Variants in DCC observed in about 807,000 individuals in gnomAD.
DCC encodes the protein DCC netrin 1 receptor.
In DCC, 58 loss-of-function variants were observed where a neutral mutation model predicts 172.5. The ratio of observed to expected loss-of-function variants is 0.34; its 90% CI spans 0.27 to 0.42. DCC has a LOEUF of 0.42. DCC is among the 10% of genes least tolerant of loss of function. DCC has a pLI of 1.00. For synonymous variants in DCC, 709 were observed against 644.5 expected, an observed-to-expected ratio of 1.10 and a Z score of -1.52; for missense variants, 1,740 against 1,791.0, an observed-to-expected ratio of 0.97 and a Z score of 0.51.
intron 7 of DCC, among the ~76,000 whole-genome samples, chr18:53,088,439 T>A (rs897969748): frequency 6.6e-6 from 1 of 152,220 alleles, no homozygotes; most frequent in African/African-American, 2.4e-5. Context: ...CTTGTGATTT[T>A]TTCACATTGA....
At chr18:53,332,249 T>C (rs1462616882) in intron 14 of DCC, among the ~76,000 whole-genome samples, 1 of 152,098 alleles carries the variant, frequency 6.6e-6, no homozygotes, top group African/African-American at 2.4e-5. Context: ...TCTACATTCT[T>C]TTTCTATCTA....
At chr18:52,610,532 A>G (rs1275459642) in intron 1 of DCC, among the ~76,000 whole-genome samples, 1 of 151,842 alleles carries the variant, frequency 6.6e-6, no homozygotes, top group Non-Finnish European at 1.5e-5. Context: ...ATTCAAGGAT[A>G]ATTCAAGGAT....
chr18:52,994,808 T>C (rs2041453047), intron 5 of DCC, among the ~76,000 whole-genome samples: 2 of 152,318 alleles, frequency 1.3e-5, no homozygotes, highest in Admixed American at 6.5e-5. Flanking sequence ...TTTTAATGTT[T>C]TTGGACATTC....
intron 25 of DCC, among the ~76,000 whole-genome samples, chr18:53,468,380 T>TTTATTTA (rs1555675979): frequency 7.4e-6 from 1 of 135,152 alleles, no homozygotes; most frequent in Non-Finnish European, 1.5e-5. Context: ...TATTTATTTA[T>TTTATTTA]TTTATTTATT....
chr18:52,385,834 T>G (rs1985776277), intron 1 of DCC, among the ~76,000 whole-genome samples: 1 of 152,132 alleles, frequency 6.6e-6, no homozygotes, highest in Non-Finnish European at 1.5e-5. Context: ...GTGCTTGGTA[T>G]AGTTGACAAT....
chr18:52,781,168 T>A (rs1051237797), intron 2 of DCC, among the ~76,000 whole-genome samples: 1 of 152,144 alleles, frequency 6.6e-6, no homozygotes, highest in African/African-American at 2.4e-5. Flanking sequence ...AAAGGAAACC[T>A]AGCAGAGCCT....
chr18:53,511,451 G>C lies in DCC; in HGVS notation c.4111+11941G>C, dbSNP rs183660239. Among the ~76,000 whole-genome samples the C allele has an allele frequency of 3.6e-3, 546 of 152,326 alleles. 7 individuals are homozygous for C. Among genetic ancestry groups the C allele is most frequent in the African/African-American group, 0.012 (508 of 41,582 alleles). On this transcript the variant is annotated intron_variant, in intron 27 of 28. Transcript: ENST00000442544. The stretch of plus-strand genomic sequence containing the variant: ...TTGTGAAGTTTAAGGATAGAGGGTC[G>C]AGAAGCCAAGATGGCCGAATAGGAA...
chr18:53,233,254 A>G (rs1260086525), intron 12 of DCC, among the ~76,000 whole-genome samples: 1 of 152,160 alleles, frequency 6.6e-6, no homozygotes, highest in Non-Finnish European at 1.5e-5. Flanking sequence ...ACCAGTTATT[A>G]ATCCAATTCA....
chr18:52,592,363 A>C (rs1442577403), intron 1 of DCC, among the ~76,000 whole-genome samples: 1 of 152,176 alleles, frequency 6.6e-6, no homozygotes, highest in African/African-American at 2.4e-5. Context: ...CTTTTCTTCA[A>C]GATCCTTGGT....
At chr18:53,142,015 G>T (rs1291368644) in intron 7 of DCC, among the ~76,000 whole-genome samples, 1 of 152,160 alleles carries the variant, frequency 6.6e-6, no homozygotes, top group Admixed American at 6.5e-5. Context: ...GATTCGCTTA[G>T]TCCATGCCCT....
chr18:53,165,103 T>G (rs560756291), intron 8 of DCC, among the ~76,000 whole-genome samples: 1 of 152,264 alleles, frequency 6.6e-6, no homozygotes, highest in South Asian at 2.1e-4. Context: ...ATCATTCAAT[T>G]TAATCCTCAC....
At chr18:52,539,309 GA>G (rs958026363) in intron 1 of DCC, among the ~76,000 whole-genome samples, 54 of 149,228 alleles carry the variant, frequency 3.6e-4, no homozygotes, top group South Asian at 1.5e-3. Context: ...GTAAATCCAT[GA>G]AAAAAAAAAT....
chr18:53,202,618 G>A (rs1264761284), intron 9 of DCC, among the ~76,000 whole-genome samples: 2 of 152,128 alleles, frequency 1.3e-5, no homozygotes, highest in African/African-American at 2.4e-5. Context: ...TGGTCCTAAT[G>A]TTATCTCCCC....
intron 22 of DCC, among the ~76,000 whole-genome samples, chr18:53,438,328 T>C (rs1243137250): frequency 1.3e-5 from 2 of 152,198 alleles, no homozygotes; most frequent in Non-Finnish European, 2.9e-5. Flanking sequence ...GCTTAAAGCT[T>C]GGGCAAATGT....
At chr18:52,495,189 T>C (rs1319888858) in intron 1 of DCC, among the ~76,000 whole-genome samples, 1 of 152,128 alleles carries the variant, frequency 6.6e-6, no homozygotes, top group African/African-American at 2.4e-5. Flanking sequence ...AGAGGCTTTG[T>C]AATTAGCTTT....
chr18:52,516,361 G>A (rs1035558952), intron 1 of DCC, among the ~76,000 whole-genome samples: 17 of 152,198 alleles, frequency 1.1e-4, no homozygotes, highest in African/African-American at 3.6e-4. Flanking sequence ...AAGCGGTTAA[G>A]CAAATTGTGA....
rs115627758 is a variant in DCC at position 52,492,041 on chromosome 18, G to T, written c.91+151163G>T. Among the ~76,000 whole-genome samples the T allele has an allele frequency of 2.7e-3, 408 of 152,054 alleles. 2 individuals are homozygous for T. Among genetic ancestry groups the T allele is most frequent in the African/African-American group, 9.5e-3 (396 of 41,512 alleles). ...TGTTAGGGGAAATATCAAGGGCCACGGATATAGCATGAAGACCAGGAAAGA... is the reference window on the plus strand; with the variant it reads ...TGTTAGGGGAAATATCAAGGGCCACTGATATAGCATGAAGACCAGGAAAGA... On this transcript the variant is annotated intron_variant, in intron 1 of 28. Coordinates refer to ENST00000442544, the MANE Select transcript of DCC (RefSeq NM_005215.4).
In DCC at chr18:52,839,103, T is replaced by G. The variant is rs149394551; in HGVS notation, c.413-66941T>G. ...TGTAGAGCTGAAAGGCAAAAGAACT[T>G]GGACATTTACTTAACCATATTACAA... On this transcript the variant is annotated intron_variant, in intron 2 of 28. Coordinates refer to ENST00000442544, the MANE Select transcript of DCC (RefSeq NM_005215.4). Among the ~76,000 whole-genome samples, 4 of 152,312 alleles carry G rather than the reference T, an allele frequency of 2.6e-5. No individual in the cohort carries two copies. In the East Asian group the frequency reaches 7.7e-4, roughly 29 times the overall value.
At chr18:53,444,408 A>G (rs1912463067) in intron 22 of DCC, among the ~76,000 whole-genome samples, 1 of 152,206 alleles carries the variant, frequency 6.6e-6, no homozygotes, top group Admixed American at 6.5e-5. Flanking sequence ...CTGAGGCAAG[A>G]GAATCTCTTG....
Sources: gnomAD v4.1 joint callset for allele counts (sites outside exome capture counted in the v4.1 genomes callset) on GRCh38, gnomAD v4.1.1 for gene constraint, MANE v1.5 for transcripts, NCBI Gene and HGNC (gene_info 2026-07-23, HGNC 2026-07-21) for gene names.